CSMD3: variants seen among roughly 807,000 people sequenced by gnomAD.
CSMD3 encodes CUB and Sushi multiple domains 3, also known as CUB and sushi domain-containing protein 3.
CSMD3 carries 177 observed loss-of-function variants against 435.2 expected under a neutral mutation model. The observed-to-expected ratio is 0.41, with a 90% CI of 0.36 to 0.46. CSMD3 has a LOEUF of 0.46. Among genes scored for constraint, CSMD3 ranks in the 20% least tolerant of loss-of-function variants. The pLI is 0.34. For synonymous variants in CSMD3, 1,656 were observed against 1,520.5 expected, an observed-to-expected ratio of 1.09 and a Z score of -2.07; for missense variants, 4,265 against 4,504.6, an observed-to-expected ratio of 0.95 and a Z score of 1.52.
rs1030716108 is a variant in CSMD3, at chr8:112,916,283, T to C, written c.1633+5344A>G. Among the ~76,000 whole-genome samples, 3 of 151,870 alleles carry C rather than the reference T, an allele frequency of 2.0e-5. No individual in the cohort carries two copies. In the South Asian group the frequency reaches 6.2e-4, roughly 31 times the overall value. On this transcript the variant is annotated intron_variant, in intron 10 of 70. Transcript: ENST00000297405. ...CCTTGAAATGCAAAATTTCTAATTG[T>C]TCAGGGAGTTTTGAATTTAAGTGAT...
intron 32 of CSMD3, among the ~76,000 whole-genome samples, chr8:112,443,993 GTT>G (rs1224308025): frequency 3.3e-5 from 5 of 152,032 alleles, no homozygotes; most frequent in Non-Finnish European, 7.4e-5. Context: ...AAAACAAAGA[GTT>G]TCAGTAATTT....
intron 22 of CSMD3, among the ~76,000 whole-genome samples, chr8:112,627,834 GA>G (rs1332576096): frequency 2.0e-5 from 3 of 152,138 alleles, no homozygotes; most frequent in Non-Finnish European, 4.4e-5. Context: ...CTTCTGTTCA[GA>G]ATGAGCACCT....
chr8:112,277,654 G>T lies in CSMD3; in HGVS notation c.9508+3520C>A, dbSNP rs201961730. Among the ~76,000 whole-genome samples the T allele has an allele frequency of 4.6e-5, 7 of 152,200 alleles. No individual in the cohort carries two copies. In the East Asian group the frequency reaches 1.4e-3, roughly 29 times the overall value. On this transcript the variant is annotated intron_variant, in intron 59 of 70. Transcript: ENST00000297405. ...TGTATTAGTCTGCTTTCACACTGCT[G>T]AAAAAGACATACCCAAGACTGGGTA...
chr8:113,229,915 A>C (rs1298540667), intron 3 of CSMD3, among the ~76,000 whole-genome samples: 1 of 151,436 alleles, frequency 6.6e-6, no homozygotes, highest in African/African-American at 2.4e-5. Flanking sequence ...CTATACCTGT[A>C]TTTTGGCCAT....
intron 22 of CSMD3, among the ~76,000 whole-genome samples, chr8:112,618,470 T>C (rs544034818): frequency 2.6e-5 from 4 of 152,212 alleles, no homozygotes; most frequent in Non-Finnish European, 4.4e-5. Flanking sequence ...ATGAAGTTTA[T>C]CTTCATTGTA....
At chr8:113,273,001 AAGT>A (rs2093541422) in intron 3 of CSMD3, among the ~76,000 whole-genome samples, 1 of 152,080 alleles carries the variant, frequency 6.6e-6, no homozygotes, top group Admixed American at 6.6e-5. Context: ...ATAACTAGTG[AAGT>A]GAATTTGCAA....
At chr8:112,609,341 G>A (rs1833070794) in intron 22 of CSMD3, among the ~76,000 whole-genome samples, 1 of 150,574 alleles carries the variant, frequency 6.6e-6, no homozygotes, top group South Asian at 2.1e-4. Context: ...ACCCTATTAG[G>A]TAATGGGCTA....
chr8:113,120,801 G>A (rs1409275068), intron 4 of CSMD3, among the ~76,000 whole-genome samples: 1 of 152,106 alleles, frequency 6.6e-6, no homozygotes, highest in Non-Finnish European at 1.5e-5. Context: ...ATTTTATGGA[G>A]TCCAAAGCCA....
At chr8:112,579,709 G>A (rs1830205123) in intron 23 of CSMD3, among the ~76,000 whole-genome samples, 1 of 151,892 alleles carries the variant, frequency 6.6e-6, no homozygotes. Flanking sequence ...CTCACACATA[G>A]ATAGGAAAGA....
chr8:112,778,036 C>CT (rs894165971), intron 13 of CSMD3, among the ~76,000 whole-genome samples: 35 of 151,878 alleles, frequency 2.3e-4, no homozygotes, highest in African/African-American at 7.7e-4. Context: ...GTAATGACTA[C>CT]TTTTTTAAAA....
chr8:112,381,439 C>T lies in CSMD3; in HGVS notation c.6032-983G>A, dbSNP rs542087299. ...TTAAGATCTTTGACTCCACCTCTAGCAGTTTCAAATGGCAAGCATGAAAAT... is the reference window on the plus strand; with the variant it reads ...TTAAGATCTTTGACTCCACCTCTAGTAGTTTCAAATGGCAAGCATGAAAAT... On this transcript the variant is annotated intron_variant, in intron 37 of 70. Transcript: ENST00000297405. Among the ~76,000 whole-genome samples, 3 of 152,290 alleles carry T rather than the reference C, an allele frequency of 2.0e-5. No homozygotes were observed. The South Asian group carries it at 6.2e-4, about 32-fold the overall frequency.
rs2131223636 is a variant in CSMD3 at position 112,556,762 on chromosome 8, C to G, written c.4234+1G>C. On this transcript the variant is annotated splice_donor_variant, in intron 25 of 70. Coordinates refer to ENST00000297405, the MANE Select transcript of CSMD3 (RefSeq NM_198123.2). LOFTEE classifies it high-confidence loss of function. ...AATGAAAATCTATGACAGTATCCTA[C>G]CAATACAGGAAGGCAGAGGATAGTC... 1 of 1,603,244 alleles carries G rather than the reference C, an allele frequency of 6.2e-7. No individual in the cohort carries two copies. Among genetic ancestry groups the G allele is most frequent in the Non-Finnish European group, 8.5e-7 (1 of 1,170,602 alleles).
intron 36 of CSMD3, among the ~76,000 whole-genome samples, chr8:112,386,600 T>C (rs111639268): frequency 0.024 from 3,682 of 151,992 alleles, 71 homozygotes; most frequent in Middle Eastern, 0.044. Flanking sequence ...CGGGTTCACG[T>C]CATTCTCCTG....
chr8:112,435,232 G>A (rs574702707), intron 32 of CSMD3, among the ~76,000 whole-genome samples: 63 of 152,158 alleles, frequency 4.1e-4, no homozygotes, highest in African/African-American at 1.4e-3. Flanking sequence ...TTTTGTGCGG[G>A]TAGATAGCAT....
chr8:112,544,089 C>T (rs1049275547), intron 27 of CSMD3, among the ~76,000 whole-genome samples: 27 of 152,216 alleles, frequency 1.8e-4, no homozygotes, highest in Non-Finnish European at 2.6e-4. Flanking sequence ...ATGAGAGTTA[C>T]TAATCAACTG....
chr8:112,814,039 C>T (rs1476016697), intron 12 of CSMD3, among the ~76,000 whole-genome samples: 4 of 152,180 alleles, frequency 2.6e-5, no homozygotes, highest in Non-Finnish European at 1.5e-5. Context: ...AATAGGCATA[C>T]ACATTTATTT....
chr8:112,568,059 T>C (rs1375517940), intron 24 of CSMD3, among the ~76,000 whole-genome samples: 1 of 152,140 alleles, frequency 6.6e-6, no homozygotes, highest in African/African-American at 2.4e-5. Flanking sequence ...ATAAGGGAGT[T>C]GGATTCTGGG....
At chr8:112,777,449 T>C (rs891744905) in intron 13 of CSMD3, among the ~76,000 whole-genome samples, 1 of 151,846 alleles carries the variant, frequency 6.6e-6, no homozygotes, top group Non-Finnish European at 1.5e-5. Flanking sequence ...TATTAGTTGT[T>C]GATGATATTA....
chr8:113,180,997 A>G (rs746867603), intron 3 of CSMD3, among the ~76,000 whole-genome samples: 12 of 152,166 alleles, frequency 7.9e-5, no homozygotes, highest in Non-Finnish European at 1.2e-4. Flanking sequence ...GCTAATCAAA[A>G]GGACAACTAT....
Sources: allele counts gnomAD v4.1 joint callset (sites outside exome capture counted in the v4.1 genomes callset), GRCh38; gene constraint gnomAD v4.1.1; transcripts MANE v1.5; gene names NCBI Gene and HGNC (gene_info 2026-07-23, HGNC 2026-07-21).